CSMD1: variants seen among roughly 807,000 people sequenced by gnomAD.
The protein encoded by CSMD1 is CUB and sushi domain-containing protein 1.
Under a neutral mutation model 417.5 loss-of-function variants are expected in CSMD1, and 213 were observed. The observed-to-expected ratio is 0.51, with a 90% CI of 0.46 to 0.57. CSMD1 has a LOEUF of 0.57. Ranked by LOEUF, CSMD1 falls within the 20% of genes least tolerant of loss-of-function variation. CSMD1 has a pLI of 0.00. For missense variants in CSMD1, 6,923 were observed against 4,529.7 expected (o/e 1.53, Z -15.17); for synonymous variants, 2,862 against 1,736.8 (o/e 1.65, Z -16.11).
chr8:4,204,599 G>A (rs188990156), intron 3 of CSMD1, among the ~76,000 whole-genome samples: 11 of 152,102 alleles, frequency 7.2e-5, no homozygotes, highest in Non-Finnish European at 1.5e-4. Flanking sequence ...AAAAATAATT[G>A]CATAAAAGTG....
chr8:3,829,823 G>C (rs562535038), intron 5 of CSMD1, among the ~76,000 whole-genome samples: 1 of 152,162 alleles, frequency 6.6e-6, no homozygotes, highest in South Asian at 2.1e-4. Flanking sequence ...CACTGAATAA[G>C]TTCGTTTTAA....
chr8:3,796,249 T>A (rs182103763), intron 5 of CSMD1, among the ~76,000 whole-genome samples: 1 of 73,796 alleles, frequency 1.4e-5, no homozygotes, highest in African/African-American at 5.3e-5. Flanking sequence ...TAGATATATA[T>A]CTATCATGTA....
intron 3 of CSMD1, among the ~76,000 whole-genome samples, chr8:4,206,113 G>A (rs56336299): frequency 0.15 from 22,432 of 152,102 alleles, 1,782 homozygotes; most frequent in South Asian, 0.27. Context: ...ACAACGCAGG[G>A]AAAAGGATAG....
intron 49 of CSMD1, among the ~76,000 whole-genome samples, chr8:3,078,870 G>C (rs2129002253): frequency 6.6e-6 from 1 of 152,270 alleles, no homozygotes; most frequent in African/African-American, 2.4e-5. Context: ...GTGCAGACAT[G>C]TCTGACTGCA....
At chr8:4,592,505 G>C (rs530520259) in intron 2 of CSMD1, among the ~76,000 whole-genome samples, 4 of 152,044 alleles carry the variant, frequency 2.6e-5, no homozygotes, top group African/African-American at 4.8e-5. Flanking sequence ...TCCTGCCTCA[G>C]CTTCCTGAGT....
chr8:3,415,230 T>G (rs940921114), intron 12 of CSMD1, among the ~76,000 whole-genome samples: 2 of 152,184 alleles, frequency 1.3e-5, no homozygotes, highest in African/African-American at 4.8e-5. Context: ...ATTAATATAC[T>G]AATTACCTTA....
intron 5 of CSMD1, among the ~76,000 whole-genome samples, chr8:3,890,976 A>G (rs1806932812): frequency 6.6e-6 from 1 of 152,052 alleles, no homozygotes; most frequent in Non-Finnish European, 1.5e-5. Flanking sequence ...TGTGAAATGG[A>G]TGTTATGGAC....
rs555723747 is a variant in CSMD1, at chr8:3,354,809, C to CTT, written c.3304+4342_3304+4343insAA. On this transcript the variant is annotated intron_variant, in intron 21 of 69. Transcript: ENST00000635120. ...ATATATATCACTAAACTCTCTCTCT[C>CTT]TCTATATATATCTATAGATACATAT... Among the ~76,000 whole-genome samples the CTT allele has an allele frequency of 3.2e-4, 31 of 97,936 alleles. No individual in the cohort carries two copies. The East Asian group carries it at 9.7e-3, about 31-fold the overall frequency. 64.2% of individuals were successfully genotyped at this position (97,936 alleles called of 152,430 possible).
intron 23 of CSMD1, among the ~76,000 whole-genome samples, chr8:3,325,158 C>A (rs1440868326): frequency 3.9e-5 from 6 of 152,190 alleles, no homozygotes; most frequent in African/African-American, 1.4e-4. Context: ...AACAGCATGA[C>A]CTGTGACCCC....
intron 1 of CSMD1, among the ~76,000 whole-genome samples, chr8:4,866,543 A>C (rs191254348): frequency 6.6e-6 from 1 of 152,010 alleles, no homozygotes; most frequent in East Asian, 1.9e-4. Context: ...TGGCTTTTTT[A>C]ACAACTAAAT....
In CSMD1 at chr8:3,082,509, T is replaced by G. The variant is rs116687659; in HGVS notation, c.7474+4588A>C. Among the ~76,000 whole-genome samples the G allele has an allele frequency of 7.9e-3, 1,203 of 152,274 alleles. 11 individuals are homozygous for G. The highest frequency in any genetic ancestry group is 0.028 in the African/African-American group (1,154 of 41,540). On this transcript the variant is annotated intron_variant, in intron 49 of 69. Transcript: ENST00000635120. ...TGACTATCATATTGACTTGTACTTA[T>G]CAGTTTTTAAGACTCTCTCCCTCCG... is the stretch of plus-strand genomic sequence containing the variant.
rs1223134579 is a variant in CSMD1, at chr8:3,199,703, G to C, written c.5194+11C>G. Reference sequence around the variant, plus strand: ...ACAGTGACATGTGGAGACATGTGGAGTGACGCTTACCTTGATACACGAAGT... The same window carrying C: ...ACAGTGACATGTGGAGACATGTGGACTGACGCTTACCTTGATACACGAAGT... On this transcript the variant is annotated intron_variant, in intron 33 of 69. Transcript: ENST00000635120. The C allele has an allele frequency of 1.8e-5, 28 of 1,561,284 alleles. No individual in the cohort carries two copies. Among genetic ancestry groups the C allele is most frequent in the Non-Finnish European group, 2.1e-5 (24 of 1,147,848 alleles).
intron 2 of CSMD1, among the ~76,000 whole-genome samples, chr8:4,529,568 T>G (rs59115926): frequency 6.6e-6 from 1 of 152,130 alleles, no homozygotes; most frequent in Admixed American, 6.5e-5. Flanking sequence ...AGATAAAACT[T>G]ACATAAGCAA....
intron 7 of CSMD1, among the ~76,000 whole-genome samples, chr8:3,670,169 A>C (rs1301200453): frequency 6.6e-6 from 1 of 152,018 alleles, no homozygotes; most frequent in Non-Finnish European, 1.5e-5. Flanking sequence ...TCAATGGATC[A>C]GGGAAGGCAG....
At chr8:3,682,368 A>G (rs993653940) in intron 7 of CSMD1, among the ~76,000 whole-genome samples, 2 of 152,226 alleles carry the variant, frequency 1.3e-5, no homozygotes, top group African/African-American at 4.8e-5. Context: ...AACCGCATCA[A>G]CAAGTGGGTG....
intron 41 of CSMD1, among the ~76,000 whole-genome samples, chr8:3,129,218 T>C (rs1041722377): frequency 6.6e-6 from 1 of 152,198 alleles, no homozygotes; most frequent in African/African-American, 2.4e-5. Flanking sequence ...GGAAAGGGGA[T>C]TTATGGGTAT....
At chr8:4,780,056 G>T (rs1427166825) in intron 1 of CSMD1, among the ~76,000 whole-genome samples, 8 of 152,112 alleles carry the variant, frequency 5.3e-5, no homozygotes, top group African/African-American at 1.9e-4. Flanking sequence ...AGACCCTCAT[G>T]GGGCACGTAC....
intron 5 of CSMD1, among the ~76,000 whole-genome samples, chr8:3,899,786 C>A (rs1016035855): frequency 3.1e-4 from 47 of 152,164 alleles, no homozygotes; most frequent in African/African-American, 1.1e-3. Flanking sequence ...TTTGACCTGA[C>A]TGGAAGGTGA....
At chr8:3,785,684 G>C (rs17067520) in intron 5 of CSMD1, among the ~76,000 whole-genome samples, 4,282 of 152,270 alleles carry the variant, frequency 0.028, 229 homozygotes, top group East Asian at 0.14. Context: ...AGTGTGGGCT[G>C]TGTGCATGGA....
Sources: allele counts gnomAD v4.1 joint callset (sites outside exome capture counted in the v4.1 genomes callset), GRCh38; gene constraint gnomAD v4.1.1; transcripts MANE v1.5; gene names NCBI Gene and HGNC (gene_info 2026-07-23, HGNC 2026-07-21).